The following RALGAPA2 variants were observed in gnomAD, a reference collection of about 807,000 sequenced individuals.
RALGAPA2 encodes the protein ral GTPase-activating protein subunit alpha-2.
In RALGAPA2, 139 loss-of-function variants were observed where a neutral mutation model predicts 230.4. The observed-to-expected ratio is 0.60, with a 90% CI of 0.53 to 0.69. RALGAPA2 has a LOEUF of 0.69. RALGAPA2 is among the 30% of genes least tolerant of loss of function. The pLI, the probability that RALGAPA2 is intolerant of heterozygous loss-of-function variation, is 0.00. For synonymous variants in RALGAPA2, 847 were observed against 837.8 expected, an observed-to-expected ratio of 1.01 and a Z score of -0.19; for missense variants, 2,163 against 2,276.0, an observed-to-expected ratio of 0.95 and a Z score of 1.01.
chr20:20,629,320 AACACACACACACAC>A (rs11467035), intron 10 of RALGAPA2, 29 bp downstream of exon 10: 404 of 1,107,836 alleles, frequency 3.6e-4, no homozygotes, highest in African/African-American at 1.5e-3. Flanking sequence ...AAGAACTTGT[AACACACACACACAC>A]ACACACACAC....
intron 38 of RALGAPA2, among the ~76,000 whole-genome samples, chr20:20,408,851 T>A (rs1409238809): frequency 1.3e-5 from 2 of 152,076 alleles, no homozygotes; most frequent in African/African-American, 4.8e-5. Context: ...TTAATGCTGG[T>A]CAAAAAAGGA....
intron 14 of RALGAPA2, among the ~76,000 whole-genome samples, 186 bp from the exon 15 acceptor site, chr20:20,605,598 G>T (rs1321579632): frequency 6.6e-6 from 1 of 151,980 alleles, no homozygotes; most frequent in Non-Finnish European, 1.5e-5. Flanking sequence ...AAGCTATTGG[G>T]GAGTTAGTTA....
intron 23 of RALGAPA2, among the ~76,000 whole-genome samples, chr20:20,556,946 C>G (rs6046934): frequency 0.075 from 11,465 of 152,114 alleles, 594 homozygotes; most frequent in East Asian, 0.16. Flanking sequence ...TTTGTCTCCT[C>G]CACCCCCTCC....
chr20:20,460,533 T>G (rs1369586620), intron 37 of RALGAPA2, among the ~76,000 whole-genome samples: 1 of 152,204 alleles, frequency 6.6e-6, no homozygotes, highest in East Asian at 1.9e-4. Context: ...GCAAGAACTC[T>G]TCTCACTGAG....
chr20:20,407,391 T>A (rs141163698), intron 38 of RALGAPA2, among the ~76,000 whole-genome samples: 2 of 152,364 alleles, frequency 1.3e-5, no homozygotes, highest in East Asian at 3.9e-4. Flanking sequence ...GATTTACTTG[T>A]GCTGTTTCTG....
intron 37 of RALGAPA2, among the ~76,000 whole-genome samples, chr20:20,423,227 G>A (rs148294337): frequency 6.6e-6 from 1 of 152,314 alleles, no homozygotes; most frequent in East Asian, 1.9e-4. Flanking sequence ...GGAGGAGTCT[G>A]AAGAGCCCAA....
chr20:20,680,913 G>A (rs1157049406), intron 1 of RALGAPA2, 112 bp from the exon 2 acceptor site: 1 of 1,460,066 alleles, frequency 6.8e-7, no homozygotes, highest in African/African-American at 1.5e-5. Flanking sequence ...TCCCTTATAA[G>A]ACAATACAAA....
At chr20:20,672,739 T>G (rs566115269) in intron 3 of RALGAPA2, among the ~76,000 whole-genome samples, 1 of 152,168 alleles carries the variant, frequency 6.6e-6, no homozygotes, top group South Asian at 2.1e-4. Context: ...CAGAAACTTA[T>G]CAATATTTGA....
chr20:20,478,573 G>C (rs1301517741), intron 36 of RALGAPA2, among the ~76,000 whole-genome samples: 2 of 151,916 alleles, frequency 1.3e-5, no homozygotes, highest in African/African-American at 4.8e-5. Context: ...AATTAACATA[G>C]GAACAGAAAA....
intron 3 of RALGAPA2, among the ~76,000 whole-genome samples, chr20:20,654,227 C>T (rs1023576397): frequency 2.0e-5 from 3 of 152,160 alleles, no homozygotes; most frequent in South Asian, 2.1e-4. Flanking sequence ...CTCACTCTGT[C>T]GCCCAGGCTG....
At position 20,529,282 on chromosome 20, in the gene RALGAPA2, A is replaced by C. The variant is rs548298309; in HGVS notation, c.3582+2405T>G. ...CCTCTTCTCTTTTGCTGCTATCCAGAGGGGGGAGGATTCAACAGGACAATC... is the reference window on the plus strand; with the variant it reads ...CCTCTTCTCTTTTGCTGCTATCCAGCGGGGGGAGGATTCAACAGGACAATC... On this transcript the variant is annotated intron_variant, in intron 27 of 39. Coordinates refer to ENST00000202677, the MANE Select transcript of RALGAPA2 (RefSeq NM_020343.4). Among the ~76,000 whole-genome samples the C allele has an allele frequency of 3.3e-5, 5 of 152,240 alleles. No homozygotes were observed. In the South Asian group the frequency reaches 8.3e-4, roughly 25 times the overall value.
At chr20:20,519,789 G>A (rs185124165) in intron 31 of RALGAPA2, among the ~76,000 whole-genome samples, 1 of 152,300 alleles carries the variant, frequency 6.6e-6, no homozygotes, top group East Asian at 1.9e-4. Context: ...CTGCCCACAA[G>A]GTTCTAGTCT....
chr20:20,401,546 T>C (rs1438289169), intron 38 of RALGAPA2, among the ~76,000 whole-genome samples: 2 of 151,960 alleles, frequency 1.3e-5, no homozygotes, highest in Non-Finnish European at 2.9e-5. Flanking sequence ...ACCGGGGCAG[T>C]GAGGTGGGAT....
At chr20:20,629,313 AACTTGTAAC>A in intron 10 of RALGAPA2, 41 bp downstream of exon 10, 3 of 1,370,916 alleles carry the variant, frequency 2.2e-6, no homozygotes, top group Non-Finnish European at 3.0e-6. Context: ...CCATTTCAAG[AACTTGTAAC>A]ACACACACAC....
intron 31 of RALGAPA2, among the ~76,000 whole-genome samples, chr20:20,515,271 A>G (rs2062833646): frequency 6.6e-6 from 1 of 152,248 alleles, no homozygotes; most frequent in Non-Finnish European, 1.5e-5. Context: ...CTGCCGACAG[A>G]AGTGCATAGG....
At chr20:20,520,864 C>A in intron 31 of RALGAPA2, 53 bp downstream of exon 31, 3 of 1,414,230 alleles carry the variant, frequency 2.1e-6, no homozygotes, top group Admixed American at 2.0e-5. Flanking sequence ...TGGCTAAAGG[C>A]TAAATCCTTC....
chr20:20,655,580 T>C (rs1480243580), intron 3 of RALGAPA2, among the ~76,000 whole-genome samples: 3 of 151,672 alleles, frequency 2.0e-5, no homozygotes, highest in African/African-American at 7.3e-5. Context: ...GTTTGGCTGG[T>C]AGGCAGTGAG....
At chr20:20,579,396 G>C (rs1412230891) in intron 20 of RALGAPA2, among the ~76,000 whole-genome samples, 2 of 152,094 alleles carry the variant, frequency 1.3e-5, no homozygotes, top group Non-Finnish European at 2.9e-5. Context: ...CTGCATTCCA[G>C]TAGAGAAAGA....
In RALGAPA2 at chr20:20,533,335, G is replaced by C. The variant is rs912766163; in HGVS notation, c.3474-1540C>G. Among the ~76,000 whole-genome samples the C allele has an allele frequency of 2.0e-5, 3 of 151,718 alleles. No individual in the cohort carries two copies. The East Asian group carries it at 5.8e-4, about 29-fold the overall frequency. ...AGACTATAAAAAGGTTAATTAAAAA[G>C]AATAGAAAGTATTATTTAACTAAAC... On this transcript the variant is annotated intron_variant, in intron 26 of 39. Coordinates refer to ENST00000202677, the MANE Select transcript of RALGAPA2 (RefSeq NM_020343.4).
Sources: allele counts gnomAD v4.1 joint callset (sites outside exome capture counted in the v4.1 genomes callset), GRCh38; gene constraint gnomAD v4.1.1; transcripts MANE v1.5; gene names NCBI Gene and HGNC (gene_info 2026-07-23, HGNC 2026-07-21).